The following CDH12 variants were observed in gnomAD, a reference collection of about 807,000 sequenced individuals.
CDH12 encodes the protein cadherin 12, also known as cadherin-12.
In CDH12, 41 loss-of-function variants were observed where a neutral mutation model predicts 74.1. The observed-to-expected ratio is 0.55, with a 90% confidence interval of 0.43 to 0.72. The LOEUF (loss-of-function observed/expected upper bound fraction) is 0.72, where lower values mean the gene tolerates loss of function less well. Ranked by LOEUF, CDH12 falls within the 30% of genes least tolerant of loss-of-function variation. The probability of loss-of-function intolerance (pLI) is 0.00; values close to 1 mark genes in which losing one functional copy is unlikely to be tolerated. For synonymous variants in CDH12, 399 were observed against 355.0 expected, an observed-to-expected ratio of 1.12 and a Z score of -1.39; for missense variants, 945 against 977.2, an observed-to-expected ratio of 0.97 and a Z score of 0.44.
intron 1 of CDH12, among the ~76,000 whole-genome samples, chr5:22,571,228 C>A (rs1186961283): frequency 6.6e-6 from 1 of 152,108 alleles, no homozygotes; most frequent in Non-Finnish European, 1.5e-5. Flanking sequence ...AGAACTTTTC[C>A]TTTGCATTTA....
intron 6 of CDH12, among the ~76,000 whole-genome samples, chr5:21,875,592 G>GTATGTAGTCTGA (rs555191961): frequency 3.6e-4 from 23 of 64,118 alleles, no homozygotes; most frequent in East Asian, 5.0e-4. Flanking sequence ...GCCAATTACT[G>GTATGTAGTCTGA]ACATGTAAAT....
chr5:22,752,673 G>C (rs1745652597), intron 1 of CDH12, among the ~76,000 whole-genome samples: 1 of 64,870 alleles, frequency 1.5e-5, no homozygotes. Flanking sequence ...CCGGGTTCAC[G>C]CCATTCTCCT....
At chr5:22,437,611 A>C (rs1175504187) in intron 2 of CDH12, among the ~76,000 whole-genome samples, 1 of 151,768 alleles carries the variant, frequency 6.6e-6, no homozygotes, top group Non-Finnish European at 1.5e-5. Context: ...ATTCTTTTAT[A>C]AATTTTTAGG....
chr5:21,761,281 A>G (rs1441050679), intron 12 of CDH12, among the ~76,000 whole-genome samples: 1 of 152,154 alleles, frequency 6.6e-6, no homozygotes, highest in Non-Finnish European at 1.5e-5. Context: ...TACGTTGTGT[A>G]TCTTACAGTT....
intron 5 of CDH12, among the ~76,000 whole-genome samples, chr5:22,043,685 G>GA (rs1182423064): frequency 2.0e-5 from 3 of 147,258 alleles, no homozygotes; most frequent in East Asian, 2.0e-4. Flanking sequence ...CTTATGTATA[G>GA]AAAATCCCAA....
chr5:22,377,056 C>T lies in CDH12; in HGVS notation c.-333+28201G>A, dbSNP rs548843075. Among the ~76,000 whole-genome samples the T allele has an allele frequency of 5.9e-5, 9 of 152,214 alleles. No individual in the cohort carries two copies. The South Asian group carries it at 1.9e-3, about 32-fold the overall frequency. ...GCAACAAGCAGATCTCAAGGTACAACTTCCTAAATTTTTCCTACTGGCTGT... is the reference window on the plus strand; with the variant it reads ...GCAACAAGCAGATCTCAAGGTACAATTTCCTAAATTTTTCCTACTGGCTGT... On this transcript the variant is annotated intron_variant, in intron 3 of 14. Coordinates refer to ENST00000382254, the MANE Select transcript of CDH12 (RefSeq NM_004061.5).
intron 3 of CDH12, among the ~76,000 whole-genome samples, chr5:22,315,404 C>A (rs1443225059): frequency 2.0e-5 from 3 of 151,750 alleles, no homozygotes; most frequent in Non-Finnish European, 4.4e-5. Context: ...ATGAAGGTGT[C>A]TATTCATTTC....
At chr5:22,289,020 A>G (rs1218818596) in intron 3 of CDH12, among the ~76,000 whole-genome samples, 1 of 152,162 alleles carries the variant, frequency 6.6e-6, no homozygotes, top group Non-Finnish European at 1.5e-5. Flanking sequence ...CTATAAAACA[A>G]AAAGGAATAA....
At position 22,381,034 on chromosome 5, in the gene CDH12, A is replaced by G. The variant is rs144970832; in HGVS notation, c.-333+24223T>C. Among the ~76,000 whole-genome samples, 745 of 152,216 alleles carry G rather than the reference A, an allele frequency of 4.9e-3. 5 individuals are homozygous for G. The highest frequency in any genetic ancestry group is 0.016 in the African/African-American group (680 of 41,576). On this transcript the variant is annotated intron_variant, in intron 3 of 14. Coordinates refer to ENST00000382254, the MANE Select transcript of CDH12 (RefSeq NM_004061.5). ...AGTTGCCTATTTTTTTCTCTCTGTG[A>G]TAATAAAGAAAACAAATTACGACAA...
chr5:21,965,261 C>T (rs1756528555), intron 6 of CDH12, among the ~76,000 whole-genome samples: 1 of 151,922 alleles, frequency 6.6e-6, no homozygotes, highest in Non-Finnish European at 1.5e-5. Flanking sequence ...AATCATTTCA[C>T]TGTCAAACAA....
At chr5:22,413,796 A>G (rs1251599918) in intron 2 of CDH12, among the ~76,000 whole-genome samples, 1 of 151,892 alleles carries the variant, frequency 6.6e-6, no homozygotes, top group Admixed American at 6.6e-5. Context: ...CGATTTTTCA[A>G]TTTGTTAATT....
intron 5 of CDH12, among the ~76,000 whole-genome samples, chr5:22,033,848 T>G (rs1164745175): frequency 1.3e-5 from 2 of 152,272 alleles, no homozygotes; most frequent in Non-Finnish European, 2.9e-5. Context: ...CACAGAGCCC[T>G]GTACTCTCCC....
At position 22,212,558 on chromosome 5, in the gene CDH12, G is replaced by T; in HGVS notation, c.-247C>A. On this transcript the variant is annotated 5_prime_UTR_variant, in exon 4 of 15. Transcript: ENST00000382254. ...ATCCGTCAAATCAACCGTGAATGGG[G>T]TGGGGAGATCGAAGTTTTCAATCAA... 1.0e-6 allele frequency: 1 copy of T among 985,650 alleles called. No homozygotes were observed. The highest frequency in any genetic ancestry group is 1.2e-6 in the Non-Finnish European group (1 of 829,784). 61.1% of individuals were successfully genotyped at this position (985,650 alleles called of 1,614,324 possible). A position where few individuals can be genotyped will look rare whatever the true frequency, so the allele number is the denominator to read the frequency against.
chr5:22,658,366 C>T (rs1740168399), intron 1 of CDH12, among the ~76,000 whole-genome samples: 1 of 152,066 alleles, frequency 6.6e-6, no homozygotes, highest in South Asian at 2.1e-4. Context: ...TCTGTATATT[C>T]ATTCTGCATA....
At chr5:22,235,682 A>G (rs1387833365) in intron 3 of CDH12, among the ~76,000 whole-genome samples, 17 of 152,296 alleles carry the variant, frequency 1.1e-4, no homozygotes, top group African/African-American at 3.8e-4. Context: ...TATCTTTCTT[A>G]TTTTAGAATA....
chr5:22,329,757 T>A (rs1050456858), intron 3 of CDH12, among the ~76,000 whole-genome samples: 9 of 152,116 alleles, frequency 5.9e-5, no homozygotes, highest in African/African-American at 2.2e-4. Context: ...ACAGAATAAA[T>A]CCATGTTGTG....
At position 21,975,317 on chromosome 5, in the gene CDH12, G is replaced by A. The variant is rs778576226; in HGVS notation, c.300C>T (p.Thr100=). The A allele has an allele frequency of 3.0e-5, 48 of 1,597,024 alleles. 1 individual carries two copies. Among genetic ancestry groups the A allele is most frequent in the South Asian group, 2.6e-4 (24 of 90,982 alleles). The change falls in exon 6 of 15, where the codon ACC becomes ACT. Residue 100 remains threonine (T), a synonymous_variant. Transcript: ENST00000382254. ...CTGTGGTTTCATCAATGGTAAAAAC[G>A]GTGCCAGCGCCATCTCCTGAGAGGG... ...KYTLSGDGAG[T]VFTIDETTGD...
At chr5:22,311,979 A>G (rs1242169427) in intron 3 of CDH12, among the ~76,000 whole-genome samples, 2 of 152,154 alleles carry the variant, frequency 1.3e-5, no homozygotes, top group Non-Finnish European at 2.9e-5. Context: ...CCCCAAAACT[A>G]TTATGATCAT....
chr5:21,841,056 C>G (rs913942771), intron 8 of CDH12, among the ~76,000 whole-genome samples: 4 of 152,090 alleles, frequency 2.6e-5, no homozygotes, highest in African/African-American at 9.7e-5. Context: ...AAACTACCAT[C>G]AGAGTGAACA....
Sources: gnomAD v4.1 joint callset for allele counts (sites outside exome capture counted in the v4.1 genomes callset) on GRCh38, gnomAD v4.1.1 for gene constraint, MANE v1.5 for transcripts, NCBI Gene and HGNC (gene_info 2026-07-23, HGNC 2026-07-21) for gene names.